The following TMEM108 variants were observed in gnomAD, a reference collection of about 807,000 sequenced individuals.
TMEM108 encodes the protein cancer/testis antigen 124.
TMEM108 carries 12 observed loss-of-function variants against 35.1 expected under a neutral mutation model. That is an observed-to-expected ratio of 0.34 (90% confidence interval 0.22 to 0.55). The LOEUF is 0.55. Among genes scored for constraint, TMEM108 ranks in the 20% least tolerant of loss-of-function variants. The pLI is 0.89. For missense variants in TMEM108, 680 were observed against 753.3 expected (o/e 0.90, Z 1.14); for synonymous variants, 287 against 308.6 (o/e 0.93, Z 0.73).
chr3:133,216,936 A>G (rs1559871530), intron 2 of TMEM108, among the ~76,000 whole-genome samples: 1 of 152,088 alleles, frequency 6.6e-6, no homozygotes, highest in Non-Finnish European at 1.5e-5. Flanking sequence ...TTTTCCTTGA[A>G]TATATACCCA....
chr3:133,054,833 C>T lies in TMEM108; in HGVS notation c.-47+8813C>T, dbSNP rs554647807. Reference sequence around the variant, plus strand: ...TCATTTCAATGAATTATTTAAGGCTCTTACACTTCCCTTCAAGTAGCTGGA... The same window carrying T: ...TCATTTCAATGAATTATTTAAGGCTTTTACACTTCCCTTCAAGTAGCTGGA... On this transcript the variant is annotated intron_variant, in intron 2 of 5. Coordinates refer to ENST00000321871, the MANE Select transcript of TMEM108 (RefSeq NM_023943.4). Among the ~76,000 whole-genome samples the T allele has an allele frequency of 4.6e-5, 7 of 152,318 alleles. No homozygotes were observed. In the South Asian group the frequency reaches 1.0e-3, roughly 23 times the overall value.
chr3:133,152,794 T>G (rs1209684810), intron 2 of TMEM108, among the ~76,000 whole-genome samples: 3 of 152,148 alleles, frequency 2.0e-5, no homozygotes, highest in Admixed American at 1.3e-4. Flanking sequence ...TTAAAGTGCA[T>G]TGGAACACAA....
chr3:133,304,857 A>G (rs1947279263), intron 3 of TMEM108, among the ~76,000 whole-genome samples: 1 of 151,950 alleles, frequency 6.6e-6, no homozygotes, highest in African/African-American at 2.4e-5. Flanking sequence ...TGAGGCAGGC[A>G]GATAATTTGA....
chr3:133,394,589 A>G (rs77876143), intron 5 of TMEM108, among the ~76,000 whole-genome samples: 4,692 of 152,344 alleles, frequency 0.031, 232 homozygotes, highest in African/African-American at 0.1. Context: ...TGTGAAAGCT[A>G]TAAAATGACA....
intron 3 of TMEM108, among the ~76,000 whole-genome samples, chr3:133,317,907 G>T (rs1181858951): frequency 6.6e-6 from 1 of 152,206 alleles, no homozygotes; most frequent in Non-Finnish European, 1.5e-5. Context: ...AAAATGTAAA[G>T]CCAGAAAGGA....
chr3:133,356,357 T>A (rs577365926), intron 3 of TMEM108, among the ~76,000 whole-genome samples: 2 of 152,226 alleles, frequency 1.3e-5, no homozygotes, highest in East Asian at 3.9e-4. Context: ...CCCATGCTCA[T>A]AGATGGGAAG....
rs1944777084 is a variant in TMEM108, at chr3:133,150,139, C to T, written c.-46-79127C>T. ...AAGGGTTCCCTTTTCTCTACACCTTCACCATCACTTGTTATCTTTTGACTT... is the reference window on the plus strand; with the variant it reads ...AAGGGTTCCCTTTTCTCTACACCTTTACCATCACTTGTTATCTTTTGACTT... On this transcript the variant is annotated intron_variant, in intron 2 of 5. Coordinates refer to ENST00000321871, the MANE Select transcript of TMEM108 (RefSeq NM_023943.4). Among the ~76,000 whole-genome samples, 3 of 152,142 alleles carry T rather than the reference C, an allele frequency of 2.0e-5. No individual in the cohort carries two copies. The South Asian group carries it at 6.2e-4, about 31-fold the overall frequency.
intron 2 of TMEM108, among the ~76,000 whole-genome samples, chr3:133,076,703 G>A (rs1943746444): frequency 6.6e-6 from 1 of 152,198 alleles, no homozygotes; most frequent in African/African-American, 2.4e-5. Context: ...CTATTGCCCA[G>A]CCATCCTCAT....
At chr3:133,383,834 G>A (rs867180834) in intron 4 of TMEM108, among the ~76,000 whole-genome samples, 3 of 152,154 alleles carry the variant, frequency 2.0e-5, no homozygotes, top group African/African-American at 7.2e-5. Context: ...CTTGGGAACC[G>A]CACACCCCAC....
chr3:133,314,054 A>T (rs1267962291), intron 3 of TMEM108, among the ~76,000 whole-genome samples: 1 of 152,016 alleles, frequency 6.6e-6, no homozygotes, highest in Non-Finnish European at 1.5e-5. Context: ...AGTCAAAAAA[A>T]CTTCTCTGAT....
At chr3:133,388,516 T>C (rs772206726) in intron 4 of TMEM108, 3 of 985,246 alleles carry the variant, frequency 3.0e-6, no homozygotes, top group Non-Finnish European at 3.6e-6. Context: ...AGATCCACAA[T>C]ATTTGAAAAG....
At chr3:133,166,611 C>G (rs1024573079) in intron 2 of TMEM108, among the ~76,000 whole-genome samples, 2 of 151,674 alleles carry the variant, frequency 1.3e-5, no homozygotes, top group East Asian at 1.9e-4. Context: ...GCTCTTAAAG[C>G]GGCGTGTCTG....
At position 133,181,386 on chromosome 3, in the gene TMEM108, C is replaced by A. The variant is rs75453225; in HGVS notation, c.-46-47880C>A. ...GGGCTACATTATTCCTTGTGACTAC[C>A]ATGAACTTCTTTTCCATATCAGGAA... On this transcript the variant is annotated intron_variant, in intron 2 of 5. Coordinates refer to ENST00000321871, the MANE Select transcript of TMEM108 (RefSeq NM_023943.4). 1.8e-3 allele frequency among the ~76,000 whole-genome samples: 275 copies of A among 152,246 alleles called. 1 individual carries two copies. Among genetic ancestry groups the A allele is most frequent in the African/African-American group, 6.1e-3 (255 of 41,540 alleles).
Position 133,204,493 on chromosome 3 carries a change from A to G in TMEM108, c.-46-24773A>G, listed in dbSNP as rs1234467405. Among the ~76,000 whole-genome samples the G allele has an allele frequency of 4.6e-5, 7 of 152,196 alleles. No individual in the cohort carries two copies. The East Asian group carries it at 5.8e-4, about 13-fold the overall frequency. ...TTAGCTGTGTCCCAGAGATTCGGGTACATTGTGTCTTTGTTCTCATTGGTT... is the reference window on the plus strand; with the variant it reads ...TTAGCTGTGTCCCAGAGATTCGGGTGCATTGTGTCTTTGTTCTCATTGGTT... On this transcript the variant is annotated intron_variant, in intron 2 of 5. Coordinates refer to ENST00000321871, the MANE Select transcript of TMEM108 (RefSeq NM_023943.4).
chr3:133,395,789 G>A (rs999256371), intron 5 of TMEM108, 75 bp from the exon 6 acceptor site: 4 of 1,404,558 alleles, frequency 2.8e-6, no homozygotes, highest in Non-Finnish European at 2.8e-6. Context: ...ATGTTCCCAT[G>A]TGTACATTTC....
intron 2 of TMEM108, among the ~76,000 whole-genome samples, chr3:133,094,055 AT>A (rs2107709246): frequency 6.6e-6 from 1 of 152,260 alleles, no homozygotes; most frequent in Admixed American, 6.5e-5. Flanking sequence ...TGTTGTATAG[AT>A]AGTAATATTA....
intron 3 of TMEM108, among the ~76,000 whole-genome samples, chr3:133,230,916 G>A (rs567167078): frequency 1.3e-5 from 2 of 152,294 alleles, no homozygotes; most frequent in East Asian, 3.9e-4. Flanking sequence ...TACAGAAAAC[G>A]ACTGTGTCTT....
intron 1 of TMEM108, among the ~76,000 whole-genome samples, chr3:133,044,961 C>CTTTT (rs11444221): frequency 9.1e-5 from 13 of 142,826 alleles, no homozygotes; most frequent in Non-Finnish European, 1.1e-4. Flanking sequence ...TGAAGTGCTG[C>CTTTT]TTTTTTTTTT....
At chr3:133,086,190 C>G (rs996836370) in intron 2 of TMEM108, among the ~76,000 whole-genome samples, 2 of 152,162 alleles carry the variant, frequency 1.3e-5, no homozygotes, top group Non-Finnish European at 2.9e-5. Flanking sequence ...GAGGTTCTCC[C>G]TCTGTACCTT....
Sources: gnomAD v4.1 joint callset for allele counts (sites outside exome capture counted in the v4.1 genomes callset) on GRCh38, gnomAD v4.1.1 for gene constraint, MANE v1.5 for transcripts, NCBI Gene and HGNC (gene_info 2026-07-23, HGNC 2026-07-21) for gene names.